The following ATP13A5 variants were observed in gnomAD, a reference collection of about 807,000 sequenced individuals.
ATP13A5 encodes ATPase 13A5.
In ATP13A5, 149 loss-of-function variants were observed where a neutral mutation model predicts 150.2. The ratio of observed to expected loss-of-function variants is 0.99; its 90% CI spans 0.87 to 1.14. The LOEUF (loss-of-function observed/expected upper bound fraction) is 1.14, where lower values mean the gene tolerates loss of function less well. Ranked by LOEUF, ATP13A5 falls within the 50% of genes most tolerant of loss-of-function variation. ATP13A5 has a pLI of 0.00. For missense variants in ATP13A5, 1,383 were observed against 1,449.3 expected (o/e 0.95, Z 0.74); for synonymous variants, 497 against 522.2 (o/e 0.95, Z 0.66).
intron 17 of ATP13A5, among the ~76,000 whole-genome samples, chr3:193,315,993 GTC>G (rs1035320686): frequency 9.9e-5 from 15 of 151,780 alleles, no homozygotes; most frequent in African/African-American, 3.6e-4. Flanking sequence ...CACAATTCTA[GTC>G]TCTACTCTCT....
intron 5 of ATP13A5, among the ~76,000 whole-genome samples, chr3:193,360,834 G>C (rs568516661): frequency 1.3e-5 from 2 of 152,076 alleles, no homozygotes; most frequent in Non-Finnish European, 2.9e-5. Flanking sequence ...AGGCCACCAC[G>C]CCTGGCTAAC....
intron 10 of ATP13A5, 46 bp from the exon 11 acceptor site, chr3:193,333,953 C>A: frequency 1.3e-6 from 2 of 1,565,984 alleles, no homozygotes; most frequent in Non-Finnish European, 1.7e-6. Flanking sequence ...TTGATGGACA[C>A]TTGGTCTCCT....
At chr3:193,299,090 A>T in intron 25 of ATP13A5, 41 bp downstream of exon 25, 1 of 1,487,172 alleles carries the variant, frequency 6.7e-7, no homozygotes, top group Admixed American at 2.2e-5. Flanking sequence ...AATTTCATAG[A>T]TAAATAAAAA....
At position 193,276,845 on chromosome 3, in the gene ATP13A5, A is replaced by G; in HGVS notation, c.3316-15T>C. ...GTTGGGATCAACTGTTGAAAAACAA[A>G]TACCATTATTATATTTTGCACACTT... On this transcript the variant is annotated splice_polypyrimidine_tract_variant and intron_variant, in intron 28 of 29. Coordinates refer to ENST00000342358, the MANE Select transcript of ATP13A5 (RefSeq NM_198505.4). 3.8e-6 allele frequency: 6 copies of G among 1,592,490 alleles called. No homozygotes were observed. The highest frequency in any genetic ancestry group is 5.2e-6 in the Non-Finnish European group (6 of 1,162,598).
intron 27 of ATP13A5, among the ~76,000 whole-genome samples, chr3:193,284,323 C>A (rs1717627753): frequency 6.6e-6 from 1 of 152,086 alleles, no homozygotes; most frequent in South Asian, 2.1e-4. Flanking sequence ...CCACTCCCAG[C>A]CTTAGCTGGG....
In ATP13A5 at chr3:193,319,039, T is replaced by TG. The variant is rs1230131859; in HGVS notation, c.1984dup (p.His662ProfsTer49). ...AAGATTCCCCATCTTTAAGGTTTTGTGGGCAAGAGCAATGACACGGAAGCC... is the reference window on the plus strand; with the variant it reads ...AAGATTCCCCATCTTTAAGGTTTTGTGGGGCAAGAGCAATGACACGGAAGCC... On this transcript the variant is annotated frameshift_variant, in exon 17 of 30. Transcript: ENST00000342358. LOFTEE classifies it high-confidence loss of function. 1 of 1,614,004 alleles carries TG rather than the reference T, an allele frequency of 6.2e-7. No homozygotes were observed. The highest frequency in any genetic ancestry group is 8.5e-7 in the Non-Finnish European group (1 of 1,179,878).
intron 7 of ATP13A5, among the ~76,000 whole-genome samples, chr3:193,349,732 G>A (rs920562952): frequency 2.0e-5 from 3 of 151,994 alleles, no homozygotes; most frequent in African/African-American, 7.2e-5. Flanking sequence ...TTTAAAAATC[G>A]TAAATATCAA....
At chr3:193,331,457 C>T in intron 11 of ATP13A5, 146 bp from the exon 12 acceptor site, 1 of 703,232 alleles carries the variant, frequency 1.4e-6, no homozygotes, top group Non-Finnish European at 2.2e-6. Flanking sequence ...AACCCCTTTC[C>T]TGGTTCTGTT....
chr3:193,286,691 G>A (rs1717736664), intron 26 of ATP13A5, among the ~76,000 whole-genome samples: 1 of 152,074 alleles, frequency 6.6e-6, no homozygotes, highest in African/African-American at 2.4e-5. Context: ...CCTATTCCTT[G>A]AGAGACAATA....
At chr3:193,334,212 A>G (rs148846802) in intron 10 of ATP13A5, among the ~76,000 whole-genome samples, 9 of 152,362 alleles carry the variant, frequency 5.9e-5, no homozygotes, top group African/African-American at 2.2e-4. Context: ...GCATGCAGGT[A>G]TCACAGTGTA....
chr3:193,375,446 A>C (rs573608200), intron 1 of ATP13A5, among the ~76,000 whole-genome samples: 2 of 152,292 alleles, frequency 1.3e-5, no homozygotes, highest in South Asian at 4.1e-4. Context: ...ATGGGTCCTG[A>C]GACCTCTGGA....
chr3:193,368,098 A>G (rs1289672830), intron 1 of ATP13A5, among the ~76,000 whole-genome samples: 1 of 152,182 alleles, frequency 6.6e-6, no homozygotes, highest in Non-Finnish European at 1.5e-5. Flanking sequence ...TATACAAAGT[A>G]TAAGAGTTAA....
intron 23 of ATP13A5, among the ~76,000 whole-genome samples, chr3:193,303,794 T>C (rs1410541309): frequency 6.6e-6 from 1 of 151,560 alleles, no homozygotes; most frequent in Non-Finnish European, 1.5e-5. Flanking sequence ...TGTGTGTGTG[T>C]ATATAAATAT....
At chr3:193,328,085 T>C (rs1719531947) in intron 12 of ATP13A5, among the ~76,000 whole-genome samples, 1 of 152,204 alleles carries the variant, frequency 6.6e-6, no homozygotes, top group African/African-American at 2.4e-5. Flanking sequence ...CACAACTGAG[T>C]TAACAGGGTG....
intron 7 of ATP13A5, among the ~76,000 whole-genome samples, chr3:193,350,852 G>A (rs908919144): frequency 9.2e-5 from 14 of 152,092 alleles, no homozygotes; most frequent in African/African-American, 2.4e-4. Context: ...CAAAGCATTC[G>A]ATGAAGGCTT....
chr3:193,337,850 C>A (rs977851885), intron 9 of ATP13A5, among the ~76,000 whole-genome samples: 1 of 152,188 alleles, frequency 6.6e-6, no homozygotes, highest in Non-Finnish European at 1.5e-5. Context: ...AATGTGGATT[C>A]TTCCTATCCA....
At chr3:193,352,997 A>G (rs1311869507) in intron 6 of ATP13A5, among the ~76,000 whole-genome samples, 2 of 152,140 alleles carry the variant, frequency 1.3e-5, no homozygotes, top group African/African-American at 4.8e-5. Context: ...GGCTGAGGAT[A>G]GAAATGAGGC....
At chr3:193,282,174 G>A (rs543318005) in intron 27 of ATP13A5, among the ~76,000 whole-genome samples, 13 of 152,134 alleles carry the variant, frequency 8.5e-5, no homozygotes, top group African/African-American at 2.7e-4. Context: ...CAGCCTGGGT[G>A]AAAGAGCAAG....
chr3:193,366,259 A>T (rs1713234068), intron 1 of ATP13A5, among the ~76,000 whole-genome samples: 1 of 152,046 alleles, frequency 6.6e-6, no homozygotes, highest in Admixed American at 6.6e-5. Context: ...CTATATTAGT[A>T]ATTGCATTAA....
Sources: allele counts gnomAD v4.1 joint callset (sites outside exome capture counted in the v4.1 genomes callset), GRCh38; gene constraint gnomAD v4.1.1; transcripts MANE v1.5; gene names NCBI Gene and HGNC (gene_info 2026-07-23, HGNC 2026-07-21).